The following B4GALT6 variants were observed in gnomAD, a reference collection of about 807,000 sequenced individuals.
B4GALT6 encodes UDP-Gal:beta-GlcNAc beta-1,4-galactosyltransferase 6.
B4GALT6 carries 14 observed loss-of-function variants against 46.3 expected under a neutral mutation model. The observed-to-expected ratio is 0.30, with a 90% CI of 0.20 to 0.47. B4GALT6 has a LOEUF of 0.47. B4GALT6 is among the 20% of genes least tolerant of loss of function. The probability of loss-of-function intolerance (pLI) is 0.99; values close to 1 mark genes in which losing one functional copy is unlikely to be tolerated. For synonymous variants in B4GALT6, 168 were observed against 162.0 expected, an observed-to-expected ratio of 1.04 and a Z score of -0.28; for missense variants, 386 against 480.1, an observed-to-expected ratio of 0.80 and a Z score of 1.83.
intron 3 of B4GALT6, among the ~76,000 whole-genome samples, chr18:31,657,580 G>A (rs2144645478): frequency 6.6e-6 from 1 of 152,332 alleles, no homozygotes; most frequent in South Asian, 2.1e-4. Flanking sequence ...TGGGGAGCCA[G>A]CACTGGGGAT....
the B4GALT6 span, among the ~76,000 whole-genome samples, chr18:31,697,932 T>G: frequency 6.6e-6 from 1 of 152,246 alleles, no homozygotes; most frequent in African/African-American, 2.4e-5. Flanking sequence ...GGTTTCAATA[T>G]CTTGTTTCTC....
chr18:31,634,257 T>A (rs1472283481), intron 5 of B4GALT6, among the ~76,000 whole-genome samples: 1 of 152,188 alleles, frequency 6.6e-6, no homozygotes, highest in East Asian at 1.9e-4. Flanking sequence ...CCTGCTACAC[T>A]TTTTCCACAG....
chr18:31,692,690 C>T, the B4GALT6 span, among the ~76,000 whole-genome samples: 3 of 152,010 alleles, frequency 2.0e-5, no homozygotes, highest in South Asian at 2.1e-4. Context: ...AATTAGCTAA[C>T]GCATATGGAT....
intron 6 of B4GALT6, among the ~76,000 whole-genome samples, chr18:31,630,416 G>GT (rs1163653395): frequency 7.8e-5 from 10 of 128,846 alleles, no homozygotes; most frequent in Non-Finnish European, 1.5e-4. Context: ...AAAAGATTTG[G>GT]GTTTTTTTTT....
the B4GALT6 span, among the ~76,000 whole-genome samples, chr18:31,712,287 A>ATTTTTTTTTTTTTTTTTTTT: frequency 3.5e-5 from 3 of 84,642 alleles, no homozygotes; most frequent in African/African-American, 5.1e-5. Context: ...CTGGGACGTT[A>ATTTTTTTTTTTTTTTTTTTT]TTTTTTTTTT....
intron 2 of B4GALT6, among the ~76,000 whole-genome samples, chr18:31,664,232 A>G (rs1264100106): frequency 1.3e-5 from 2 of 152,196 alleles, no homozygotes; most frequent in African/African-American, 4.8e-5. Context: ...AAAGTGTGTG[A>G]TGACTTACTT....
chr18:31,663,554 A>G (rs2074244797), intron 2 of B4GALT6, among the ~76,000 whole-genome samples: 1 of 152,240 alleles, frequency 6.6e-6, no homozygotes, highest in Non-Finnish European at 1.5e-5. Flanking sequence ...GTATAGGATT[A>G]AAAACCCCTT....
the B4GALT6 span, among the ~76,000 whole-genome samples, chr18:31,698,919 A>G: frequency 7.9e-5 from 12 of 151,892 alleles, no homozygotes; most frequent in African/African-American, 2.9e-4. Flanking sequence ...AAAATACAAA[A>G]ATTAGCCAGG....
chr18:31,712,174 C>G, the B4GALT6 span, among the ~76,000 whole-genome samples: 1 of 152,038 alleles, frequency 6.6e-6, no homozygotes, highest in Non-Finnish European at 1.5e-5. Flanking sequence ...TGCTGGCTAC[C>G]ACTCTTTCTA....
the B4GALT6 span, among the ~76,000 whole-genome samples, chr18:31,709,686 A>G: frequency 6.6e-6 from 1 of 151,658 alleles, no homozygotes; most frequent in African/African-American, 2.4e-5. Context: ...GCAAAGACTA[A>G]TAAGTGGGAA....
chr18:31,663,878 G>A (rs1183681958), intron 2 of B4GALT6, among the ~76,000 whole-genome samples: 8 of 152,098 alleles, frequency 5.3e-5, no homozygotes, highest in East Asian at 3.8e-4. Context: ...ATAATTATTC[G>A]TAAATGTTGG....
intron 1 of B4GALT6, among the ~76,000 whole-genome samples, chr18:31,670,630 A>T (rs1168653639): frequency 6.6e-6 from 1 of 152,224 alleles, no homozygotes; most frequent in Non-Finnish European, 1.5e-5. Flanking sequence ...AGAAAGTGCT[A>T]TGTCACAGGG....
chr18:31,684,850 G>A, upstream of B4GALT6: 1 of 850,836 alleles, frequency 1.2e-6, no homozygotes, highest in Non-Finnish European at 1.4e-6. Flanking sequence ...AGCACGCCCG[G>A]CTCCGCTGCC....
At chr18:31,701,122 C>T in the B4GALT6 span, among the ~76,000 whole-genome samples, 2 of 152,150 alleles carry the variant, frequency 1.3e-5, no homozygotes, top group Admixed American at 1.3e-4. Context: ...CATGTTGAAT[C>T]GTAATCCCCA....
intron 1 of B4GALT6, among the ~76,000 whole-genome samples, chr18:31,667,932 T>C (rs560360453): frequency 9.9e-5 from 15 of 151,664 alleles, no homozygotes; most frequent in South Asian, 6.3e-4. Context: ...CCATCTCTAC[T>C]AAAAATACAA....
the B4GALT6 span, among the ~76,000 whole-genome samples, chr18:31,695,822 G>T: frequency 6.6e-6 from 1 of 152,338 alleles, no homozygotes; most frequent in African/African-American, 2.4e-5. Flanking sequence ...GCAACATCTT[G>T]TAATCCAGCT....
At chr18:31,709,923 A>G in the B4GALT6 span, among the ~76,000 whole-genome samples, 1 of 151,798 alleles carries the variant, frequency 6.6e-6, no homozygotes, top group South Asian at 2.1e-4. Flanking sequence ...TGAAAAACCC[A>G]TCTCTACTAT....
intron 2 of B4GALT6, among the ~76,000 whole-genome samples, chr18:31,660,358 T>C (rs1667273): frequency 0.23 from 34,388 of 151,966 alleles, 5,613 homozygotes; most frequent in African/African-American, 0.46. Flanking sequence ...CCTACCTTGC[T>C]AGTGGTAGCA....
At chr18:31,709,531 C>T in the B4GALT6 span, among the ~76,000 whole-genome samples, 1 of 142,668 alleles carries the variant, frequency 7.0e-6, no homozygotes, top group Non-Finnish European at 1.5e-5. Flanking sequence ...AGAAGGGTTA[C>T]AGTAGGATCA....
Sources: allele counts gnomAD v4.1 joint callset (sites outside exome capture counted in the v4.1 genomes callset), GRCh38; gene constraint gnomAD v4.1.1; transcripts MANE v1.5; gene names NCBI Gene and HGNC (gene_info 2026-07-23, HGNC 2026-07-21).